Variants in DST observed in about 807,000 individuals in gnomAD.
DST encodes the protein dystonin.
Under a neutral mutation model 875.2 loss-of-function variants are expected in DST, and 253 were observed. That is an observed-to-expected ratio of 0.29 (90% CI 0.26 to 0.32). The LOEUF (loss-of-function observed/expected upper bound fraction) is 0.32. Ranked by LOEUF, DST falls within the 10% of genes least tolerant of loss-of-function variation. The pLI, the probability that DST is intolerant of heterozygous loss-of-function variation, is 1.00. For missense variants in DST, 8,287 were observed against 9,111.6 expected, an observed-to-expected ratio of 0.91 and a Z score of 3.68; for synonymous variants, 3,124 against 3,197.1, an observed-to-expected ratio of 0.98 and a Z score of 0.77.
chr6:56,723,322 T>A (rs2099429491), intron 5 of DST, among the ~76,000 whole-genome samples: 1 of 151,766 alleles, frequency 6.6e-6, no homozygotes, highest in Non-Finnish European at 1.5e-5. Context: ...CCCAGCACTT[T>A]GGGAGGCTGA....
At chr6:56,658,625 A>G (rs1362509638) in intron 10 of DST, among the ~76,000 whole-genome samples, 2 of 152,222 alleles carry the variant, frequency 1.3e-5, no homozygotes, top group East Asian at 3.8e-4. Flanking sequence ...TAAAAGGGTA[A>G]TCGGAGAAGA....
In DST at chr6:56,470,052, T is replaced by C; in HGVS notation, c.22476+76A>G. The C allele has an allele frequency of 6.2e-6, 10 of 1,601,650 alleles. No individual in the cohort carries two copies. In the South Asian group the frequency reaches 1.1e-4, roughly 18 times the overall value. On this transcript the variant is annotated intron_variant, in intron 96 of 103. Transcript: ENST00000680361. ...CACAACAATTAGAGTGAAAATAAAA[T>C]GGTTGTATGAATTGTGCATGATATC...
At chr6:56,725,594 A>AACTC (rs2099450768) in intron 5 of DST, among the ~76,000 whole-genome samples, 1 of 152,156 alleles carries the variant, frequency 6.6e-6, no homozygotes, top group Non-Finnish European at 1.5e-5. Context: ...GGAGTTAGGT[A>AACTC]GTTTGAAATT....
Position 56,817,574 on chromosome 6 carries a change from T to G in DST, c.625+33823A>C, listed in dbSNP as rs543352780. ...TATCAAGTCATATTTCCTTTGAGTA[T>G]TTCTCCCCTTTGTATTCAAAACAGT... On this transcript the variant is annotated intron_variant, in intron 4 of 103. Coordinates refer to ENST00000680361, the MANE Select transcript of DST (RefSeq NM_001374736.1). Among the ~76,000 whole-genome samples the G allele has an allele frequency of 7.2e-5, 11 of 152,318 alleles. No individual in the cohort carries two copies. In the South Asian group the frequency reaches 1.7e-3, roughly 23 times the overall value.
chr6:56,828,857 T>C (rs925469172), intron 4 of DST, among the ~76,000 whole-genome samples: 6 of 152,172 alleles, frequency 3.9e-5, no homozygotes, highest in African/African-American at 1.4e-4. Flanking sequence ...GTACCCTATA[T>C]TATCCTATAG....
At chr6:56,889,831 T>C (rs1786457979) in intron 3 of DST, among the ~76,000 whole-genome samples, 1 of 152,192 alleles carries the variant, frequency 6.6e-6, no homozygotes, top group South Asian at 2.1e-4. Flanking sequence ...TACTTCTTGC[T>C]ACCTCCTAGG....
chr6:56,681,056 A>G lies in DST; in HGVS notation c.1048-10249T>C, dbSNP rs2099154825. On this transcript the variant is annotated intron_variant, in intron 9 of 103. Coordinates refer to ENST00000680361, the MANE Select transcript of DST (RefSeq NM_001374736.1). ...TAGGTAGAAGTCAAATTTGAACTTG[A>G]ATCTGTCTGGCTACAAAGCTGATAC... Among the ~76,000 whole-genome samples, 2 of 152,196 alleles carry G rather than the reference A, an allele frequency of 1.3e-5. 1 individual carries two copies.
chr6:56,832,000 ATTTCTATATAGT>A (rs569111759), intron 4 of DST, among the ~76,000 whole-genome samples: 2 of 152,284 alleles, frequency 1.3e-5, no homozygotes, highest in South Asian at 4.1e-4. Flanking sequence ...ACAAATTTAA[ATTTCTATATAGT>A]TTTCTAAATG....
At chr6:56,566,632 T>C (rs754743535) in intron 55 of DST, among the ~76,000 whole-genome samples, 1 of 152,228 alleles carries the variant, frequency 6.6e-6, no homozygotes, top group Non-Finnish European at 1.5e-5. Context: ...AGACTGGAGC[T>C]GTTCCTATTC....
intron 32 of DST, 75 bp downstream of exon 32, chr6:56,629,173 CAT>C (rs2098757398): frequency 7.8e-6 from 11 of 1,409,574 alleles, no homozygotes; most frequent in Non-Finnish European, 1.1e-5. Context: ...AAAATAGCCT[CAT>C]ATGTGTAGAT....
At chr6:56,817,728 C>A (rs892041811) in intron 4 of DST, among the ~76,000 whole-genome samples, 24 of 152,140 alleles carry the variant, frequency 1.6e-4, no homozygotes, top group African/African-American at 5.6e-4. Flanking sequence ...TAAACCAATA[C>A]AGGAATGGTT....
chr6:56,606,700 G>A lies in DST; in HGVS notation c.7928C>T (p.Thr2643Ile), dbSNP rs770483629. The change falls in exon 40 of 104, where the codon ACA (threonine) becomes ATA (isoleucine). Residue 2643 changes from threonine (T) to isoleucine (I), a missense_variant. This residue lies in a region of DST where 3,138 missense variants were observed against 3,116.6 expected (regional missense o/e 1.01). Coordinates refer to ENST00000680361, the MANE Select transcript of DST (RefSeq NM_001374736.1). ...RDCLHPEDYD[T>I]LQEENDETAS... ...CGTCTCATCATTTTCCTCTTGCAGTGTGTCGTAGTCCTCAGGGTGCAGGCA... is the reference window on the plus strand; with the variant it reads ...CGTCTCATCATTTTCCTCTTGCAGTATGTCGTAGTCCTCAGGGTGCAGGCA... The A allele has an allele frequency of 1.2e-6, 2 of 1,613,548 alleles. No individual in the cohort carries two copies. The highest frequency in any genetic ancestry group is 1.7e-6 in the Non-Finnish European group (2 of 1,179,634).
At chr6:56,837,857 T>C (rs2099795513) in intron 4 of DST, among the ~76,000 whole-genome samples, 1 of 151,158 alleles carries the variant, frequency 6.6e-6, no homozygotes, top group Admixed American at 6.6e-5. Context: ...TATTTGCTTC[T>C]TCTTTTGGGA....
chr6:56,763,517 C>T (rs577328614), intron 4 of DST, among the ~76,000 whole-genome samples: 116 of 151,766 alleles, frequency 7.6e-4, no homozygotes, highest in African/African-American at 2.7e-3. Flanking sequence ...ACTAAACGTA[C>T]AAAAATTAGC....
At position 56,602,906 on chromosome 6, in the gene DST, T is replaced by A. The variant is rs1034478828; in HGVS notation, c.11283A>T (p.Val3761=). 6.4e-7 allele frequency: 1 copy of A among 1,555,210 alleles called. No individual in the cohort carries two copies. Among genetic ancestry groups the A allele is most frequent in the Non-Finnish European group, 8.6e-7 (1 of 1,160,132 alleles). Residue 3761 remains valine (V), a synonymous_variant, in exon 43 of 104, where the codon GTA becomes GTT. Coordinates refer to ENST00000680361, the MANE Select transcript of DST (RefSeq NM_001374736.1). ...EIVNVQDSEY[V]KKRLEFLKNV... ...CCTTGAGAAACTCCAAACGTTTCTTTACATACTCAGAATCTTGAACATTCA... is the reference window on the plus strand; with the variant it reads ...CCTTGAGAAACTCCAAACGTTTCTTAACATACTCAGAATCTTGAACATTCA...
At chr6:56,611,063 A>T (rs1269264930) in intron 38 of DST, among the ~76,000 whole-genome samples, 1 of 152,188 alleles carries the variant, frequency 6.6e-6, no homozygotes, top group Non-Finnish European at 1.5e-5. Context: ...CCTGAGTGAA[A>T]CACTGACTGA....
chr6:56,716,955 G>A (rs1309139888), intron 5 of DST, among the ~76,000 whole-genome samples: 4 of 152,124 alleles, frequency 2.6e-5, no homozygotes, highest in Non-Finnish European at 4.4e-5. Context: ...GCCAAGGCGG[G>A]CGGATCACGA....
At chr6:56,524,567 T>C (rs1396207991) in intron 69 of DST, among the ~76,000 whole-genome samples, 1 of 152,144 alleles carries the variant, frequency 6.6e-6, no homozygotes, top group Non-Finnish European at 1.5e-5. Flanking sequence ...CTTTATCCCA[T>C]GCATGCTGGG....
chr6:56,694,038 C>T (rs1320781816), intron 9 of DST, among the ~76,000 whole-genome samples: 1 of 146,798 alleles, frequency 6.8e-6, no homozygotes, highest in Non-Finnish European at 1.5e-5. Flanking sequence ...TATGTGCATT[C>T]ATATATATAT....
Sources: allele counts gnomAD v4.1 joint callset (sites outside exome capture counted in the v4.1 genomes callset), GRCh38; gene constraint gnomAD v4.1.1; regional missense constraint gnomAD v4.1.1; transcripts MANE v1.5; gene names NCBI Gene and HGNC (gene_info 2026-07-23, HGNC 2026-07-21).